Variants in CENPK observed in about 807,000 individuals in gnomAD.
CENPK encodes the protein centromere protein K, also known as SoxLZ/Sox6-binding protein Solt.
A neutral mutation model predicts 40.9 loss-of-function variants in CENPK; 46 were observed. That is an observed-to-expected ratio of 1.13 (90% confidence interval 0.89 to 1.44). The LOEUF (loss-of-function observed/expected upper bound fraction) is 1.44. Ranked by LOEUF, CENPK falls within the 40% of genes most tolerant of loss-of-function variation. The probability of loss-of-function intolerance (pLI) is 0.00; values close to 1 mark genes in which losing one functional copy is unlikely to be tolerated. For missense variants in CENPK, 288 were observed against 303.5 expected (o/e 0.95, Z 0.38); for synonymous variants, 107 against 104.4 (o/e 1.02, Z -0.15).
At chr5:65,551,970 T>G (rs1750152532) in intron 4 of CENPK, among the ~76,000 whole-genome samples, 1 of 151,456 alleles carries the variant, frequency 6.6e-6, no homozygotes, top group African/African-American at 2.4e-5. Context: ...ATTTTTTTTT[T>G]TTTTTTTTTG....
intron 5 of CENPK, among the ~76,000 whole-genome samples, chr5:65,547,207 A>G (rs1182412582): frequency 1.3e-5 from 2 of 152,088 alleles, no homozygotes; most frequent in African/African-American, 4.8e-5. Flanking sequence ...AGCCTGGCCA[A>G]CATGGCAAAA....
intron 5 of CENPK, among the ~76,000 whole-genome samples, chr5:65,545,402 C>A (rs1748751349): frequency 6.8e-6 from 1 of 147,798 alleles, no homozygotes; most frequent in Non-Finnish European, 1.5e-5. Flanking sequence ...TAAAGCAAAA[C>A]CGATCAGAAT....
chr5:65,541,307 GGT>G, intron 6 of CENPK: 4 of 438,738 alleles, frequency 9.1e-6, no homozygotes, highest in Non-Finnish European at 1.9e-5. Flanking sequence ...CTGAAACCGG[GGT>G]CAGGCATGTG....
the CENPK span, among the ~76,000 whole-genome samples, chr5:65,511,014 G>T: frequency 6.6e-6 from 1 of 152,096 alleles, no homozygotes; most frequent in Non-Finnish European, 1.5e-5. Flanking sequence ...AGTAACTGTA[G>T]AAAGAAATTC....
At chr5:65,522,011 A>C (rs1453050827) in intron 9 of CENPK, among the ~76,000 whole-genome samples, 1 of 152,242 alleles carries the variant, frequency 6.6e-6, no homozygotes, top group African/African-American at 2.4e-5. Context: ...TATTTAAGTC[A>C]GATTCATAAA....
intron 9 of CENPK, among the ~76,000 whole-genome samples, chr5:65,526,783 A>G (rs577790336): frequency 4.5e-4 from 68 of 152,190 alleles, no homozygotes; most frequent in African/African-American, 1.6e-3. Flanking sequence ...ACATAGCAAG[A>G]CCTCGTCTCT....
intron 9 of CENPK, among the ~76,000 whole-genome samples, chr5:65,523,235 A>G (rs188986530): frequency 7.1e-4 from 108 of 152,222 alleles, no homozygotes; most frequent in Non-Finnish European, 1.2e-3. Context: ...TTTGATAGCC[A>G]CATATTCTAT....
chr5:65,549,553 T>C (rs532005355), intron 5 of CENPK, among the ~76,000 whole-genome samples: 87 of 152,232 alleles, frequency 5.7e-4, no homozygotes, highest in Non-Finnish European at 9.7e-4. Context: ...CTGTTTATCA[T>C]AGCCACCTTC....
At chr5:65,533,046 T>C (rs1580961296) in intron 6 of CENPK, among the ~76,000 whole-genome samples, 3 of 149,896 alleles carry the variant, frequency 2.0e-5, no homozygotes, top group African/African-American at 4.9e-5. Context: ...CAAAATTCAA[T>C]ATTAATTTGT....
downstream of CENPK, among the ~76,000 whole-genome samples, chr5:65,514,261 TAGTTTTTTTTAG>T (rs1742704925): frequency 2.9e-4 from 10 of 34,952 alleles, no homozygotes; most frequent in Admixed American, 8.3e-4. Flanking sequence ...TTTTTTTTTT[TAGTTTTTTTTAG>T]TTTTTTTTGA....
At chr5:65,501,438 C>T in the CENPK span, among the ~76,000 whole-genome samples, 1 of 152,092 alleles carries the variant, frequency 6.6e-6, no homozygotes, top group African/African-American at 2.4e-5. Flanking sequence ...CTTGGCCTCC[C>T]AAGATGCTGG....
intron 5 of CENPK, among the ~76,000 whole-genome samples, chr5:65,549,065 G>T (rs560287701): frequency 9.9e-5 from 15 of 152,150 alleles, no homozygotes. Flanking sequence ...TAAATAATAA[G>T]ACTTCAGTTG....
chr5:65,552,229 C>T (rs191887745), intron 4 of CENPK, among the ~76,000 whole-genome samples: 144 of 152,184 alleles, frequency 9.5e-4, no homozygotes, highest in Non-Finnish European at 1.5e-3. Flanking sequence ...AAGCAATTTA[C>T]TCAGTTGTTA....
chr5:65,551,653 C>T lies in CENPK; in HGVS notation c.169-17G>A, dbSNP rs985307052. 5 of 1,436,740 alleles carry T rather than the reference C, an allele frequency of 3.5e-6. No individual in the cohort carries two copies. Among genetic ancestry groups the T allele is most frequent in the Non-Finnish European group, 4.8e-6 (5 of 1,038,186 alleles). The allele number at this position is 1,436,740 out of a possible 1,614,324, so 89.0% of individuals were successfully genotyped here. A position where few individuals can be genotyped will look rare whatever the true frequency, so the allele number is the denominator to read the frequency against. ...CAATGATAGCTACAAAAGAAGAAAA[C>T]AAAGTCATTTTCTGTGGACTATTCA... On this transcript the variant is annotated splice_polypyrimidine_tract_variant and intron_variant, in intron 4 of 10. Transcript: ENST00000396679.
intron 9 of CENPK, among the ~76,000 whole-genome samples, chr5:65,528,085 C>CA (rs1745049939): frequency 1.3e-5 from 2 of 151,914 alleles, no homozygotes; most frequent in Admixed American, 6.6e-5. Context: ...ACTACAAATA[C>CA]AAAAAATCAG....
chr5:65,544,115 A>G (rs1197873617), intron 5 of CENPK, among the ~76,000 whole-genome samples: 1 of 152,190 alleles, frequency 6.6e-6, no homozygotes, highest in Non-Finnish European at 1.5e-5. Flanking sequence ...CATGTGCTTC[A>G]TAGATAGGTT....
intron 9 of CENPK, among the ~76,000 whole-genome samples, chr5:65,527,080 G>A (rs1369132884): frequency 1.3e-5 from 2 of 151,826 alleles, no homozygotes; most frequent in African/African-American, 2.4e-5. Flanking sequence ...CTGGGTGACA[G>A]AGCAAAACTC....
chr5:65,527,300 T>C (rs887095907), intron 9 of CENPK, among the ~76,000 whole-genome samples: 1 of 151,600 alleles, frequency 6.6e-6, no homozygotes, highest in African/African-American at 2.4e-5. Flanking sequence ...CATAGCTGAA[T>C]GGATTCATGT....
At chr5:65,529,258 C>A in intron 6 of CENPK, 59 bp from the exon 7 acceptor site, 2 of 1,154,158 alleles carry the variant, frequency 1.7e-6, no homozygotes, top group Admixed American at 2.1e-5. Context: ...TATTTCTGAA[C>A]GATAGTCAAA....
Sources: allele counts gnomAD v4.1 joint callset (sites outside exome capture counted in the v4.1 genomes callset), GRCh38; gene constraint gnomAD v4.1.1; transcripts MANE v1.5; gene names NCBI Gene and HGNC (gene_info 2026-07-23, HGNC 2026-07-21).